The following SNTB1 variants were observed in gnomAD, a reference collection of about 807,000 sequenced individuals.
SNTB1 encodes the protein syntrophin beta 1, also known as beta-1-syntrophin.
In SNTB1, 36 loss-of-function variants were observed where a neutral mutation model predicts 48.9. The observed-to-expected ratio is 0.74, with a 90% CI of 0.56 to 0.97. The LOEUF (loss-of-function observed/expected upper bound fraction) is 0.97. Among genes scored for constraint, SNTB1 ranks in the 50% least tolerant of loss-of-function variants. The probability of loss-of-function intolerance (pLI) is 0.00; values close to 1 mark genes in which losing one functional copy is unlikely to be tolerated. For synonymous variants in SNTB1, 299 were observed against 294.6 expected, an observed-to-expected ratio of 1.01 and a Z score of -0.15; for missense variants, 786 against 703.4, an observed-to-expected ratio of 1.12 and a Z score of -1.33.
chr8:120,709,495 G>A (rs1346989568), intron 1 of SNTB1, among the ~76,000 whole-genome samples: 2 of 152,154 alleles, frequency 1.3e-5, no homozygotes, highest in Non-Finnish European at 2.9e-5. Flanking sequence ...GGAAGGAGAT[G>A]TTTCATGACA....
chr8:120,701,496 C>T (rs1267723189), intron 1 of SNTB1, among the ~76,000 whole-genome samples: 1 of 152,212 alleles, frequency 6.6e-6, no homozygotes, highest in Admixed American at 6.5e-5. Context: ...CATCTTGCTA[C>T]TTATGTCATC....
chr8:120,706,348 T>C (rs1818375705), intron 1 of SNTB1, among the ~76,000 whole-genome samples: 2 of 152,142 alleles, frequency 1.3e-5, no homozygotes, highest in Admixed American at 1.3e-4. Flanking sequence ...CAACCGGATA[T>C]ACGAGTTACT....
chr8:120,804,946 C>G (rs758618753), intron 1 of SNTB1, among the ~76,000 whole-genome samples: 3 of 152,132 alleles, frequency 2.0e-5, no homozygotes, highest in Non-Finnish European at 4.4e-5. Flanking sequence ...CATAATGTAG[C>G]CATTTTTCCT....
At chr8:120,763,823 A>ATGTT (rs767217291) in intron 1 of SNTB1, among the ~76,000 whole-genome samples, 3,488 of 144,604 alleles carry the variant, frequency 0.024, 132 homozygotes, top group African/African-American at 0.097. Context: ...AAACACCAAA[A>ATGTT]TATTTGTTTG....
At chr8:120,782,642 A>G (rs1819850183) in intron 1 of SNTB1, among the ~76,000 whole-genome samples, 1 of 152,170 alleles carries the variant, frequency 6.6e-6, no homozygotes, top group Admixed American at 6.5e-5. Flanking sequence ...TTATAGTATA[A>G]ACGTAACAAA....
chr8:120,571,416 A>T, intron 4 of SNTB1: 1 of 998,128 alleles, frequency 1.0e-6, no homozygotes, highest in Non-Finnish European at 1.4e-6. Context: ...ATTCTCATGG[A>T]CCCCAAGGCA....
At chr8:120,586,365 C>T (rs181702101) in intron 3 of SNTB1, among the ~76,000 whole-genome samples, 5 of 152,274 alleles carry the variant, frequency 3.3e-5, no homozygotes, top group East Asian at 3.9e-4. Flanking sequence ...GGAAGTCAGA[C>T]GTCCTGAAAT....
intron 4 of SNTB1, among the ~76,000 whole-genome samples, chr8:120,553,340 T>C (rs1815513677): frequency 6.6e-6 from 1 of 152,224 alleles, no homozygotes; most frequent in African/African-American, 2.4e-5. Flanking sequence ...ATGTGTCCTT[T>C]TGGATATGAT....
chr8:120,548,213 G>T (rs372343860), intron 5 of SNTB1, among the ~76,000 whole-genome samples: 1 of 152,040 alleles, frequency 6.6e-6, no homozygotes, highest in Non-Finnish European at 1.5e-5. Flanking sequence ...AGCTTCCTGA[G>T]GTCCTCACCA....
chr8:120,635,129 G>C (rs1817053279), intron 2 of SNTB1, among the ~76,000 whole-genome samples: 1 of 152,162 alleles, frequency 6.6e-6, no homozygotes. Flanking sequence ...AATTTTATGT[G>C]ATGGAACAGG....
At chr8:120,593,856 C>T (rs1816281626) in intron 3 of SNTB1, among the ~76,000 whole-genome samples, 1 of 152,046 alleles carries the variant, frequency 6.6e-6, no homozygotes, top group Non-Finnish European at 1.5e-5. Context: ...ACAAAAGGTC[C>T]TTGTCTGGAA....
intron 4 of SNTB1, among the ~76,000 whole-genome samples, chr8:120,573,940 A>G (rs1008647929): frequency 1.3e-5 from 2 of 152,220 alleles, no homozygotes; most frequent in Admixed American, 1.3e-4. Context: ...CTTGTAATAC[A>G]GTTTGAAATC....
Position 120,682,711 on chromosome 8 carries a change from C to T in SNTB1, c.788+10981G>A, listed in dbSNP as rs141506415. Among the ~76,000 whole-genome samples, 7 of 151,880 alleles carry T rather than the reference C, an allele frequency of 4.6e-5. No homozygotes were observed. The East Asian group carries it at 1.4e-3, about 29-fold the overall frequency. On this transcript the variant is annotated intron_variant, in intron 2 of 6. Transcript: ENST00000517992. ...TGACATGTATGTAGGTGGGTGGGTACGTAGGTAGATAGACGATAGATAGAT... is the reference window on the plus strand; with the variant it reads ...TGACATGTATGTAGGTGGGTGGGTATGTAGGTAGATAGACGATAGATAGAT...
chr8:120,628,932 G>GAGTTCC (rs1326207536), intron 3 of SNTB1, among the ~76,000 whole-genome samples: 1 of 152,154 alleles, frequency 6.6e-6, no homozygotes, highest in Non-Finnish European at 1.5e-5. Flanking sequence ...GCTGAGGCAG[G>GAGTTCC]AGGATTGCTT....
intron 5 of SNTB1, among the ~76,000 whole-genome samples, chr8:120,542,930 G>A (rs183555035): frequency 2.0e-5 from 3 of 152,272 alleles, no homozygotes; most frequent in Non-Finnish European, 4.4e-5. Context: ...TCCTGGAAAA[G>A]CTGCTGTTGC....
intron 4 of SNTB1, among the ~76,000 whole-genome samples, chr8:120,573,099 A>G (rs1434625377): frequency 6.6e-6 from 1 of 152,244 alleles, no homozygotes; most frequent in Non-Finnish European, 1.5e-5. Context: ...AGAAATCTCC[A>G]TACTGTTTTC....
rs190402965 is a variant in SNTB1, at chr8:120,727,830, A to G, written c.572-33922T>C. 5.9e-5 allele frequency among the ~76,000 whole-genome samples: 9 copies of G among 152,278 alleles called. No homozygotes were observed. In the South Asian group the frequency reaches 6.2e-4, roughly 11 times the overall value. On this transcript the variant is annotated intron_variant, in intron 1 of 6. Coordinates refer to ENST00000517992, the MANE Select transcript of SNTB1 (RefSeq NM_021021.4). ...CTGTGTGAGTTTGACTCCAAGCCCT[A>G]TGGTCTTTTTGCTATACCATATAGC...
intron 3 of SNTB1, 97 bp from the exon 4 acceptor site, chr8:120,575,322 TG>T: frequency 7.2e-7 from 1 of 1,393,044 alleles, no homozygotes; most frequent in Non-Finnish European, 1.0e-6. Context: ...AGCAATACAT[TG>T]AGTGTCTTTT....
At chr8:120,546,057 C>T (rs1419405186) in intron 5 of SNTB1, among the ~76,000 whole-genome samples, 2 of 152,160 alleles carry the variant, frequency 1.3e-5, no homozygotes, top group African/African-American at 2.4e-5. Flanking sequence ...AAAGCCCCTA[C>T]TTGTGACTAT....
Sources: allele counts gnomAD v4.1 joint callset (sites outside exome capture counted in the v4.1 genomes callset), GRCh38; gene constraint gnomAD v4.1.1; transcripts MANE v1.5; gene names NCBI Gene and HGNC (gene_info 2026-07-23, HGNC 2026-07-21).